Variants in SORCS1 observed in about 807,000 individuals in gnomAD.
SORCS1 encodes the protein sortilin related VPS10 domain containing receptor 1.
A neutral mutation model predicts 146.1 loss-of-function variants in SORCS1; 60 were observed. The observed-to-expected ratio is 0.41, with a 90% CI of 0.33 to 0.51. The LOEUF (loss-of-function observed/expected upper bound fraction) is 0.51, where lower values mean the gene tolerates loss of function less well. Ranked by LOEUF, SORCS1 falls within the 20% of genes least tolerant of loss-of-function variation. The pLI, the probability that SORCS1 is intolerant of heterozygous loss-of-function variation, is 0.21. For missense variants in SORCS1, 1,352 were observed against 1,487.6 expected, an observed-to-expected ratio of 0.91 and a Z score of 1.50; for synonymous variants, 637 against 584.0, an observed-to-expected ratio of 1.09 and a Z score of -1.31.
chr10:107,113,581 T>C (rs1192672559), intron 1 of SORCS1, among the ~76,000 whole-genome samples: 4 of 151,014 alleles, frequency 2.6e-5, no homozygotes, highest in Admixed American at 1.3e-4. Context: ...TCCCAGCTAC[T>C]TGGGAGGCTG....
intron 8 of SORCS1, among the ~76,000 whole-genome samples, chr10:106,701,620 T>A (rs946447979): frequency 1.4e-4 from 22 of 152,186 alleles, no homozygotes; most frequent in African/African-American, 5.3e-4. Flanking sequence ...CCCAATCCTG[T>A]GACATTTTTT....
chr10:107,084,701 A>T (rs935689350), intron 1 of SORCS1, among the ~76,000 whole-genome samples: 3 of 146,044 alleles, frequency 2.1e-5, no homozygotes, highest in Admixed American at 6.7e-5. Context: ...TCTGAAAGGT[A>T]GAGGTACAGT....
intron 4 of SORCS1, among the ~76,000 whole-genome samples, chr10:106,771,128 C>T (rs571691522): frequency 1.3e-5 from 2 of 152,338 alleles, no homozygotes; most frequent in Non-Finnish European, 1.5e-5. Context: ...ATCACGTCTC[C>T]GTTGCAAATC....
intron 17 of SORCS1, among the ~76,000 whole-genome samples, chr10:106,660,744 C>T (rs986353733): frequency 4.0e-5 from 6 of 148,202 alleles, no homozygotes; most frequent in Non-Finnish European, 8.9e-5. Context: ...AGTGAGACTC[C>T]GTCTCAAAAA....
At chr10:106,965,917 GT>G (rs1373981370) in intron 1 of SORCS1, among the ~76,000 whole-genome samples, 1 of 152,126 alleles carries the variant, frequency 6.6e-6, no homozygotes, top group East Asian at 1.9e-4. Flanking sequence ...ACATGCTTGA[GT>G]TTTTACTCTT....
At chr10:106,751,899 A>G (rs1858275088) in intron 5 of SORCS1, among the ~76,000 whole-genome samples, 1 of 152,220 alleles carries the variant, frequency 6.6e-6, no homozygotes, top group African/African-American at 2.4e-5. Flanking sequence ...AATATGTTAA[A>G]GGCAGAGCCT....
At chr10:107,044,666 A>T (rs1959217718) in intron 1 of SORCS1, among the ~76,000 whole-genome samples, 1 of 151,778 alleles carries the variant, frequency 6.6e-6, no homozygotes. Flanking sequence ...TACTGAAAAT[A>T]CAAAAAATTA....
At chr10:106,748,160 T>C (rs1857884064) in intron 5 of SORCS1, among the ~76,000 whole-genome samples, 1 of 152,182 alleles carries the variant, frequency 6.6e-6, no homozygotes, top group Non-Finnish European at 1.5e-5. Flanking sequence ...TTTTTTGTTT[T>C]GTTTTGTTTG....
the SORCS1 span, among the ~76,000 whole-genome samples, chr10:107,174,427 C>T: frequency 3.3e-5 from 5 of 152,076 alleles, no homozygotes; most frequent in African/African-American, 1.2e-4. Context: ...CCAGGATGGT[C>T]TCGATCTCCT....
At chr10:107,152,775 G>A (rs1285335732) in intron 1 of SORCS1, among the ~76,000 whole-genome samples, 2 of 152,138 alleles carry the variant, frequency 1.3e-5, no homozygotes, top group African/African-American at 4.8e-5. Flanking sequence ...CCCAGTCATG[G>A]GTATGTCTTT....
At chr10:106,992,541 C>T (rs1257799148) in intron 1 of SORCS1, among the ~76,000 whole-genome samples, 1 of 151,962 alleles carries the variant, frequency 6.6e-6, no homozygotes, top group Non-Finnish European at 1.5e-5. Flanking sequence ...GCCCAAGGTA[C>T]TGGAGTGCAG....
intron 3 of SORCS1, among the ~76,000 whole-genome samples, chr10:106,806,870 T>C (rs1475885538): frequency 2.6e-5 from 4 of 152,082 alleles, no homozygotes; most frequent in Non-Finnish European, 5.9e-5. Flanking sequence ...TCATGACAAA[T>C]GCATAATTGC....
chr10:106,836,402 A>T (rs990290346), intron 2 of SORCS1, among the ~76,000 whole-genome samples: 11 of 145,224 alleles, frequency 7.6e-5, no homozygotes, highest in Non-Finnish European at 1.3e-4. Flanking sequence ...TGAACCCAGG[A>T]GGCGGAGCTT....
chr10:107,000,402 A>G (rs1957169526), intron 1 of SORCS1, among the ~76,000 whole-genome samples: 1 of 151,822 alleles, frequency 6.6e-6, no homozygotes, highest in Non-Finnish European at 1.5e-5. Flanking sequence ...GATCGAGATC[A>G]TCCTGGCCAG....
chr10:107,167,372 A>T (rs1467219948), upstream of SORCS1, among the ~76,000 whole-genome samples: 1 of 151,360 alleles, frequency 6.6e-6, no homozygotes, highest in Non-Finnish European at 1.5e-5. Context: ...TATTAATATA[A>T]TATAATAAGA....
chr10:106,584,011 T>A (rs1352378170), intron 24 of SORCS1, among the ~76,000 whole-genome samples: 1 of 152,180 alleles, frequency 6.6e-6, no homozygotes, highest in African/African-American at 2.4e-5. Flanking sequence ...ATCCAAGAGT[T>A]AGTGTTTTCA....
rs554073881 is a variant in SORCS1, at chr10:107,121,379, T to C, written c.558+42590A>G. On this transcript the variant is annotated intron_variant, in intron 1 of 25. Transcript: ENST00000263054. Reference sequence around the variant, plus strand: ...GAGCTCAGAGCTAGAACTGGTTACATGAGCAGAAGAAGCATCCCCACTGCT... The same window carrying C: ...GAGCTCAGAGCTAGAACTGGTTACACGAGCAGAAGAAGCATCCCCACTGCT... Among the ~76,000 whole-genome samples the C allele has an allele frequency of 1.1e-4, 16 of 152,336 alleles. No individual in the cohort carries two copies. In the South Asian group the frequency reaches 3.3e-3, roughly 32 times the overall value.
intron 1 of SORCS1, among the ~76,000 whole-genome samples, chr10:107,140,294 C>T (rs1298917730): frequency 6.6e-6 from 1 of 152,208 alleles, no homozygotes; most frequent in Non-Finnish European, 1.5e-5. Flanking sequence ...TCCAGCAATA[C>T]AGGGCTTCAA....
intron 1 of SORCS1, among the ~76,000 whole-genome samples, chr10:106,987,559 C>T (rs111801431): frequency 5.4e-4 from 82 of 152,344 alleles, no homozygotes; most frequent in African/African-American, 1.9e-3. Context: ...CATAGCCACC[C>T]AATGCCTTAC....
Sources: gnomAD v4.1 joint callset for allele counts (sites outside exome capture counted in the v4.1 genomes callset) on GRCh38, gnomAD v4.1.1 for gene constraint, MANE v1.5 for transcripts, NCBI Gene and HGNC (gene_info 2026-07-23, HGNC 2026-07-21) for gene names.